The following ABI3BP variants were observed in gnomAD, a reference collection of about 807,000 sequenced individuals.
ABI3BP encodes the protein target of Nesh-SH3.
ABI3BP carries 216 observed loss-of-function variants against 268.6 expected under a neutral mutation model. The observed-to-expected ratio is 0.80, with a 90% CI of 0.72 to 0.90. The LOEUF (loss-of-function observed/expected upper bound fraction) is 0.90. Ranked by LOEUF, ABI3BP falls within the 40% of genes least tolerant of loss-of-function variation. The pLI, the probability that ABI3BP is intolerant of heterozygous loss-of-function variation, is 0.00. For missense variants in ABI3BP, 2,090 were observed against 2,182.4 expected, an observed-to-expected ratio of 0.96 and a Z score of 0.84; for synonymous variants, 730 against 730.0, an observed-to-expected ratio of 1.00 and a Z score of 0.00.
intron 9 of ABI3BP, 37 bp downstream of exon 9, chr3:100,874,804 T>C: frequency 7.9e-7 from 1 of 1,266,558 alleles, no homozygotes. Context: ...TAGTACTCAG[T>C]TACTGCAAAG....
chr3:100,795,090 T>C (rs1157133463), intron 53 of ABI3BP, 87 bp from the exon 54 acceptor site: 1 of 813,062 alleles, frequency 1.2e-6, no homozygotes, highest in Non-Finnish European at 1.8e-6. Context: ...ATTCCTTCAT[T>C]TGAAGTAGAA....
intron 4 of ABI3BP, among the ~76,000 whole-genome samples, chr3:100,895,066 A>T (rs2047041472): frequency 6.6e-6 from 1 of 151,890 alleles, no homozygotes; most frequent in Non-Finnish European, 1.5e-5. Context: ...GTGAGAACTA[A>T]AGCAATCTTG....
At chr3:100,889,172 T>C (rs1277494888) in intron 4 of ABI3BP, among the ~76,000 whole-genome samples, 1 of 152,102 alleles carries the variant, frequency 6.6e-6, no homozygotes, top group Non-Finnish European at 1.5e-5. Flanking sequence ...GCATTATACA[T>C]TTGCACAGGG....
At chr3:100,779,819 TA>T (rs1437818442) in intron 58 of ABI3BP, among the ~76,000 whole-genome samples, 3 of 152,174 alleles carry the variant, frequency 2.0e-5, no homozygotes, top group African/African-American at 4.8e-5. Flanking sequence ...TAAAACATGA[TA>T]AAAACTAGAA....
At chr3:100,889,312 A>C (rs1582072231) in intron 4 of ABI3BP, among the ~76,000 whole-genome samples, 1 of 152,160 alleles carries the variant, frequency 6.6e-6, no homozygotes, top group Non-Finnish European at 1.5e-5. Flanking sequence ...GACCCAGGCA[A>C]ATGCCAATTT....
chr3:100,825,326 A>G (rs969368287), intron 35 of ABI3BP, among the ~76,000 whole-genome samples: 15 of 152,152 alleles, frequency 9.9e-5, no homozygotes, highest in Admixed American at 3.3e-4. Flanking sequence ...TCAAACTAGT[A>G]ATAAGACAAC....
rs746765717 is a variant in ABI3BP at position 100,850,775 on chromosome 3, G to T, written c.1352-41C>A. On this transcript the variant is annotated intron_variant, in intron 15 of 67. Transcript: ENST00000471714. ...TCAACATTTGTAAAAGCAGTAGAAG[G>T]CCCCAGGAATAAAATACAAATTCAT... The T allele has an allele frequency of 2.0e-5, 29 of 1,447,588 alleles. No homozygotes were observed. The Admixed American group carries it at 2.7e-4, about 14-fold the overall frequency. The allele number at this position is 1,447,588 out of a possible 1,614,324, so 89.7% of individuals were successfully genotyped here. A position where few individuals can be genotyped will look rare whatever the true frequency, so the allele number is the denominator to read the frequency against.
chr3:100,821,230 CT>C lies in ABI3BP; in HGVS notation c.2888-118del, dbSNP rs1413559710. ...ACAGCTTATAGAATTATATAGCAACCTTTAAAAACTGTTAAAACTAAAAAAG... is the reference window on the plus strand; with the variant it reads ...ACAGCTTATAGAATTATATAGCAACCTTAAAAACTGTTAAAACTAAAAAAG... On this transcript the variant is annotated intron_variant, in intron 38 of 67. Coordinates refer to ENST00000471714, the MANE Select transcript of ABI3BP (RefSeq NM_001375547.2). 7.0e-6 allele frequency: 6 copies of C among 852,890 alleles called. No individual in the cohort carries two copies. In the African/African-American group the frequency reaches 1.0e-4, roughly 15 times the overall value. 52.8% of individuals were successfully genotyped at this position (852,890 alleles called of 1,614,324 possible).
At position 100,864,856 on chromosome 3, in the gene ABI3BP, A is replaced by T; in HGVS notation, c.1040T>A (p.Leu347Ter). Reference protein sequence around the residue: ...RSTKPTTSSALDVSETTLVLS... With the variant: ...RSTKPTTSSA ...ACCCAGTGTTGTTTCTGAAACATCTAATGCACTAGACGTAGTGGGTTTAGT... is the reference window on the plus strand; with the variant it reads ...ACCCAGTGTTGTTTCTGAAACATCTTATGCACTAGACGTAGTGGGTTTAGT... Residue 347 changes from leucine to a stop codon, truncating the protein, a stop_gained, in exon 11 of 68, where the codon TTA becomes TAA. Transcript: ENST00000471714. LOFTEE classifies it high-confidence loss of function. 6.2e-7 allele frequency: 1 copy of T among 1,607,288 alleles called. No individual in the cohort carries two copies. Among genetic ancestry groups the T allele is most frequent in the Non-Finnish European group, 8.5e-7 (1 of 1,177,826 alleles).
intron 17 of ABI3BP, among the ~76,000 whole-genome samples, chr3:100,849,093 T>C (rs2098809209): frequency 6.7e-6 from 1 of 149,472 alleles, no homozygotes. Context: ...ATTGAAGATA[T>C]ACATTGTTCA....
intron 53 of ABI3BP, among the ~76,000 whole-genome samples, chr3:100,795,364 A>G (rs13433770): frequency 0.16 from 24,016 of 151,964 alleles, 1,997 homozygotes; most frequent in East Asian, 0.26. Flanking sequence ...CATTGTTGGT[A>G]TCATCTCCTT....
intron 32 of ABI3BP, among the ~76,000 whole-genome samples, chr3:100,830,090 T>TATACATAC (rs1309502224): frequency 4.5e-4 from 41 of 91,552 alleles, no homozygotes; most frequent in Non-Finnish European, 5.9e-4. Context: ...GCTATATACA[T>TATACATAC]ATACATACAT....
At chr3:100,977,418 A>C (rs929139418) in intron 1 of ABI3BP, among the ~76,000 whole-genome samples, 3 of 146,644 alleles carry the variant, frequency 2.0e-5, no homozygotes, top group African/African-American at 7.7e-5. Context: ...TGCAGTTAAG[A>C]TATTGGCCAG....
intron 6 of ABI3BP, among the ~76,000 whole-genome samples, chr3:100,878,048 C>A (rs557491708): frequency 6.6e-6 from 1 of 152,140 alleles, no homozygotes; most frequent in African/African-American, 2.4e-5. Flanking sequence ...TAAAGGGGTG[C>A]CTGCATGCGT....
In ABI3BP at chr3:100,749,354, CTT is replaced by C; in HGVS notation, c.*1139_*1140del. On this transcript the variant is annotated 3_prime_UTR_variant, in exon 68 of 68. Transcript: ENST00000471714. Reference sequence around the variant, plus strand: ...TCAATCTTAAAAAAAAACTACATCTCTTTATTGCAGAATTTATACTTGTTTGA... The same window carrying C: ...TCAATCTTAAAAAAAAACTACATCTCTATTGCAGAATTTATACTTGTTTGA... The C allele has an allele frequency of 4.3e-6, 1 of 232,190 alleles. No homozygotes were observed. Among genetic ancestry groups the C allele is most frequent in the Non-Finnish European group, 7.8e-6 (1 of 128,882 alleles). The allele number at this position is 232,190 out of a possible 1,614,324, so 14.4% of individuals were successfully genotyped here. A position where few individuals can be genotyped will look rare whatever the true frequency, so the allele number is the denominator to read the frequency against.
intron 1 of ABI3BP, among the ~76,000 whole-genome samples, chr3:100,978,102 CA>C (rs1415013376): frequency 2.0e-5 from 3 of 152,194 alleles, no homozygotes; most frequent in African/African-American, 7.2e-5. Context: ...TACTAGTCTA[CA>C]TGCAGCTTCA....
Position 100,756,411 on chromosome 3 carries a change from T to C in ABI3BP, c.4851-1720A>G, listed in dbSNP as rs532058668. Among the ~76,000 whole-genome samples, 11 of 152,318 alleles carry C rather than the reference T, an allele frequency of 7.2e-5. No homozygotes were observed. The East Asian group carries it at 2.1e-3, about 29-fold the overall frequency. On this transcript the variant is annotated intron_variant, in intron 63 of 67. Coordinates refer to ENST00000471714, the MANE Select transcript of ABI3BP (RefSeq NM_001375547.2). ...ATGGTGGCACATGCCTTTGTCATTG[T>C]CATTTGCAATGAGAGATTGTTGATA...
chr3:100,857,737 TCCC>T (rs1198681471), intron 14 of ABI3BP, among the ~76,000 whole-genome samples: 1 of 152,190 alleles, frequency 6.6e-6, no homozygotes, highest in Non-Finnish European at 1.5e-5. Context: ...GCCTAATTTT[TCCC>T]CCCTCTAACC....
At chr3:100,830,114 T>TAC (rs2098462020) in intron 32 of ABI3BP, among the ~76,000 whole-genome samples, 6 of 8,710 alleles carry the variant, frequency 6.9e-4, no homozygotes, top group Non-Finnish European at 9.8e-4. Flanking sequence ...TACATACATA[T>TAC]ATATATATAT....
Sources: allele counts gnomAD v4.1 joint callset (sites outside exome capture counted in the v4.1 genomes callset), GRCh38; gene constraint gnomAD v4.1.1; transcripts MANE v1.5; gene names NCBI Gene and HGNC (gene_info 2026-07-23, HGNC 2026-07-21).